FOXP2: variants seen among roughly 807,000 people sequenced by gnomAD.
FOXP2 encodes the protein forkhead box P2.
A neutral mutation model predicts 115.8 loss-of-function variants in FOXP2; 12 were observed. The observed-to-expected ratio is 0.10, with a 90% CI of 0.07 to 0.17. The LOEUF (loss-of-function observed/expected upper bound fraction) is 0.17, where lower values mean the gene tolerates loss of function less well. Ranked by LOEUF, FOXP2 falls within the 10% of genes least tolerant of loss-of-function variation. FOXP2 has a pLI of 1.00. For synonymous variants in FOXP2, 328 were observed against 297.7 expected (o/e 1.10, Z -1.05); for missense variants, 629 against 843.5 (o/e 0.75, Z 3.15).
At chr7:114,607,977 T>G (rs1803422422) in intron 3 of FOXP2, among the ~76,000 whole-genome samples, 1 of 152,194 alleles carries the variant, frequency 6.6e-6, no homozygotes, top group South Asian at 2.1e-4. Flanking sequence ...TGGGCAAAAT[T>G]CACTGATTTC....
chr7:114,260,639 GA>G (rs548492465), intron 1 of FOXP2, among the ~76,000 whole-genome samples: 8 of 151,872 alleles, frequency 5.3e-5, no homozygotes, highest in Admixed American at 4.6e-4. Flanking sequence ...AATAATTTAA[GA>G]AAAAAACGCA....
intron 6 of FOXP2, among the ~76,000 whole-genome samples, chr7:114,641,295 C>T (rs1014224103): frequency 1.3e-5 from 2 of 152,144 alleles, no homozygotes; most frequent in Non-Finnish European, 2.9e-5. Context: ...AAGCAATAGT[C>T]TCTCAATACT....
intron 2 of FOXP2, among the ~76,000 whole-genome samples, chr7:114,391,733 C>T (rs1792607415): frequency 6.6e-6 from 1 of 152,098 alleles, no homozygotes; most frequent in Non-Finnish European, 1.5e-5. Context: ...CATGGCTAAC[C>T]AGATGTCTAA....
chr7:114,108,673 T>G lies in FOXP2; in HGVS notation c.-247+20835T>G, dbSNP rs1658594277. Among the ~76,000 whole-genome samples the G allele has an allele frequency of 2.0e-5, 3 of 151,980 alleles. No individual in the cohort carries two copies. In the South Asian group the frequency reaches 6.2e-4, roughly 31 times the overall value. ...TACACTTTCATTAGCACTATTAGTT[T>G]AGCAACATTAAGCAATCATAATAGT... On this transcript the variant is annotated intron_variant, in intron 1 of 19. Transcript: ENST00000635638.
intron 1 of FOXP2, among the ~76,000 whole-genome samples, chr7:114,224,128 G>A (rs1408426098): frequency 1.3e-5 from 2 of 151,890 alleles, no homozygotes. Flanking sequence ...TTTATATCTG[G>A]CCTTGTTTCT....
intron 1 of FOXP2, among the ~76,000 whole-genome samples, chr7:114,191,686 C>A (rs1793765161): frequency 1.3e-5 from 2 of 152,148 alleles, no homozygotes; most frequent in Admixed American, 1.3e-4. Flanking sequence ...TATTCCTTTT[C>A]CTCTCCCAAC....
chr7:114,420,467 A>G (rs999032074), intron 1 of FOXP2, among the ~76,000 whole-genome samples: 1 of 151,742 alleles, frequency 6.6e-6, no homozygotes, highest in East Asian at 1.9e-4. Flanking sequence ...GGATTTGACA[A>G]TTTTTCTTCT....
chr7:114,571,709 C>T (rs1004814140), intron 3 of FOXP2, among the ~76,000 whole-genome samples: 8 of 151,828 alleles, frequency 5.3e-5, no homozygotes, highest in African/African-American at 1.7e-4. Context: ...ATTTATTTTA[C>T]ATTAAGTATT....
chr7:114,086,634 T>A (rs1799425216), upstream of FOXP2: 1 of 389,166 alleles, frequency 2.6e-6, no homozygotes, highest in Non-Finnish European at 5.1e-6. Flanking sequence ...GCCCTCACTC[T>A]GGCGCGCTAC....
intron 2 of FOXP2, among the ~76,000 whole-genome samples, chr7:114,382,854 T>C (rs1792342247): frequency 6.6e-6 from 1 of 152,158 alleles, no homozygotes; most frequent in Admixed American, 6.5e-5. Context: ...CAGTAGAATT[T>C]TCTTCCTTTC....
intron 2 of FOXP2, among the ~76,000 whole-genome samples, chr7:114,344,963 A>T (rs1009513685): frequency 6.6e-6 from 1 of 151,824 alleles, no homozygotes; most frequent in African/African-American, 2.4e-5. Flanking sequence ...TTTATTTATA[A>T]AAAAGTGCAT....
intron 1 of FOXP2, among the ~76,000 whole-genome samples, chr7:114,095,469 G>C (rs373454930): frequency 4.6e-5 from 7 of 150,624 alleles, no homozygotes; most frequent in African/African-American, 1.7e-4. Flanking sequence ...TTTTTTTTCA[G>C]CTGTCTTATC....
chr7:114,356,013 T>G (rs1350430626), intron 2 of FOXP2, among the ~76,000 whole-genome samples: 1 of 152,212 alleles, frequency 6.6e-6, no homozygotes, highest in Non-Finnish European at 1.5e-5. Context: ...AAAAATCATT[T>G]TAATTAGTTG....
chr7:114,211,240 G>C (rs898522045), intron 1 of FOXP2, among the ~76,000 whole-genome samples: 2 of 152,168 alleles, frequency 1.3e-5, no homozygotes, highest in East Asian at 1.9e-4. Flanking sequence ...CAGGGATCCC[G>C]GGGCCAGAGT....
intron 1 of FOXP2, among the ~76,000 whole-genome samples, chr7:114,235,235 A>T (rs770871700): frequency 2.6e-5 from 4 of 152,030 alleles, no homozygotes; most frequent in Non-Finnish European, 5.9e-5. Context: ...TAGTTTACAC[A>T]TTATTCTTAT....
At chr7:114,217,453 A>G (rs1204608439) in intron 1 of FOXP2, among the ~76,000 whole-genome samples, 1 of 152,246 alleles carries the variant, frequency 6.6e-6, no homozygotes, top group Non-Finnish European at 1.5e-5. Flanking sequence ...GTGTGTGTAG[A>G]ATCAGTTTAT....
At chr7:114,478,396 C>T (rs1796381508) in intron 2 of FOXP2, among the ~76,000 whole-genome samples, 1 of 151,708 alleles carries the variant, frequency 6.6e-6, no homozygotes, top group African/African-American at 2.4e-5. Context: ...GGAATTTAAA[C>T]AAAGTTATGA....
chr7:114,102,728 A>ACACC (rs1015953058), intron 1 of FOXP2, among the ~76,000 whole-genome samples: 1 of 151,082 alleles, frequency 6.6e-6, no homozygotes, highest in African/African-American at 2.4e-5. Context: ...ACACACACAC[A>ACACC]CACACCCCAA....
intron 8 of FOXP2, among the ~76,000 whole-genome samples, chr7:114,651,002 C>A (rs1283934900): frequency 6.6e-6 from 1 of 151,978 alleles, no homozygotes. Context: ...AGCAACACGA[C>A]TTTAATTACT....
Sources: gnomAD v4.1 joint callset for allele counts (sites outside exome capture counted in the v4.1 genomes callset) on GRCh38, gnomAD v4.1.1 for gene constraint, MANE v1.5 for transcripts, NCBI Gene and HGNC (gene_info 2026-07-23, HGNC 2026-07-21) for gene names.